Variants in MGMT observed in about 807,000 individuals in gnomAD.
MGMT encodes the protein O-6-methylguanine-DNA methyltransferase, also known as methylated-DNA--protein-cysteine methyltransferase.
A neutral mutation model predicts 15.9 loss-of-function variants in MGMT; 14 were observed. That is an observed-to-expected ratio of 0.88 (90% CI 0.58 to 1.37). The LOEUF is 1.37. Among genes scored for constraint, MGMT ranks in the 40% most tolerant of loss-of-function variants. The pLI, the probability that MGMT is intolerant of heterozygous loss-of-function variation, is 0.00. For synonymous variants in MGMT, 130 were observed against 118.2 expected (o/e 1.10, Z -0.65); for missense variants, 282 against 268.1 (o/e 1.05, Z -0.36).
chr10:129,633,169 T>C (rs974739389), intron 2 of MGMT, among the ~76,000 whole-genome samples: 7 of 152,180 alleles, frequency 4.6e-5, no homozygotes, highest in African/African-American at 1.4e-4. Flanking sequence ...ACTCCCACTT[T>C]GAAAAAGTAT....
At chr10:129,559,126 TG>T (rs1846248898) in intron 2 of MGMT, among the ~76,000 whole-genome samples, 1 of 152,208 alleles carries the variant, frequency 6.6e-6, no homozygotes, top group Non-Finnish European at 1.5e-5. Context: ...GGCATTATCT[TG>T]CTTGTTTACC....
chr10:129,735,368 C>G (rs1304562186), intron 3 of MGMT, among the ~76,000 whole-genome samples: 1 of 152,154 alleles, frequency 6.6e-6, no homozygotes, highest in Non-Finnish European at 1.5e-5. Flanking sequence ...GTAGTATTCT[C>G]TGATGGTAGT....
At chr10:129,617,162 C>A (rs1268793895) in intron 2 of MGMT, among the ~76,000 whole-genome samples, 1 of 152,116 alleles carries the variant, frequency 6.6e-6, no homozygotes, top group Non-Finnish European at 1.5e-5. Flanking sequence ...GTCTGCTGTT[C>A]CCTTCTTTGT....
intron 4 of MGMT, among the ~76,000 whole-genome samples, chr10:129,766,230 A>G (rs543403413): frequency 1.9e-4 from 29 of 152,328 alleles, no homozygotes; most frequent in African/African-American, 6.3e-4. Flanking sequence ...AAGCAGCCAC[A>G]GCCAGTATGG....
intron 2 of MGMT, among the ~76,000 whole-genome samples, chr10:129,612,704 C>G (rs775567642): frequency 6.6e-6 from 1 of 152,220 alleles, no homozygotes; most frequent in Non-Finnish European, 1.5e-5. Context: ...CGAGGCAGCA[C>G]TTAACCAGGG....
At chr10:129,577,396 T>A (rs1846497037) in intron 2 of MGMT, among the ~76,000 whole-genome samples, 1 of 152,174 alleles carries the variant, frequency 6.6e-6, no homozygotes, top group Admixed American at 6.5e-5. Context: ...TCTACAACTA[T>A]CTGATCATTG....
intron 2 of MGMT, among the ~76,000 whole-genome samples, chr10:129,562,779 A>G (rs1846295428): frequency 6.6e-6 from 1 of 152,204 alleles, no homozygotes; most frequent in Admixed American, 6.5e-5. Flanking sequence ...TCTTTGTAAA[A>G]GTGAAGTTAA....
intron 1 of MGMT, among the ~76,000 whole-genome samples, chr10:129,502,184 G>A (rs545974513): frequency 5.2e-4 from 79 of 152,294 alleles, no homozygotes; most frequent in South Asian, 2.1e-3. Flanking sequence ...AGTCCTGGCC[G>A]CAGTCCAGGC....
At chr10:129,722,899 G>A (rs1174705923) in intron 3 of MGMT, among the ~76,000 whole-genome samples, 6 of 150,978 alleles carry the variant, frequency 4.0e-5, no homozygotes, top group Non-Finnish European at 8.8e-5. Context: ...CCAGCTACTC[G>A]GGAGGCTAAG....
At chr10:129,538,047 G>A (rs928141466) in intron 2 of MGMT, among the ~76,000 whole-genome samples, 12 of 152,132 alleles carry the variant, frequency 7.9e-5, no homozygotes, top group African/African-American at 2.2e-4. Flanking sequence ...GCAGCCAGCA[G>A]TATTTGTGTG....
At chr10:129,671,731 A>G (rs1421452021) in intron 2 of MGMT, among the ~76,000 whole-genome samples, 2 of 152,258 alleles carry the variant, frequency 1.3e-5, no homozygotes, top group African/African-American at 4.8e-5. Context: ...GGTTAAAAGT[A>G]TCATCTCATT....
intron 1 of MGMT, among the ~76,000 whole-genome samples, chr10:129,504,604 C>T (rs1201153098): frequency 6.6e-6 from 1 of 152,190 alleles, no homozygotes; most frequent in African/African-American, 2.4e-5. Flanking sequence ...ATTGTGACAA[C>T]TAAAAAGTGC....
Position 129,759,055 on chromosome 10 carries a change from G to T in MGMT, c.275-147G>T, listed in dbSNP as rs938338857. On this transcript the variant is annotated intron_variant, in intron 3 of 4. Transcript: ENST00000651593. Reference sequence around the variant, plus strand: ...CGTCTCCTCGCCTGGTGACATGGTGGCAGCAGTGCATGGAGGCCGTGTTTT... The same window carrying T: ...CGTCTCCTCGCCTGGTGACATGGTGTCAGCAGTGCATGGAGGCCGTGTTTT... 32 of 993,652 alleles carry T rather than the reference G, an allele frequency of 3.2e-5. 1 individual carries two copies. Among genetic ancestry groups the T allele is most frequent in the South Asian group, 6.3e-5 (4 of 63,632 alleles). 61.6% of individuals were successfully genotyped at this position (993,652 alleles called of 1,614,324 possible).
At chr10:129,558,324 C>T (rs1296677360) in intron 2 of MGMT, among the ~76,000 whole-genome samples, 1 of 152,168 alleles carries the variant, frequency 6.6e-6, no homozygotes, top group African/African-American at 2.4e-5. Flanking sequence ...GTACGATGAA[C>T]CACACCCTTA....
Position 129,768,173 on chromosome 10 carries a change from G to T in MGMT, c.*1176G>T, listed in dbSNP as rs1407261961. Among the ~76,000 whole-genome samples, 1 of 152,200 alleles carries T rather than the reference G, an allele frequency of 6.6e-6. No individual in the cohort carries two copies. Among genetic ancestry groups the T allele is most frequent in the Non-Finnish European group, 1.5e-5 (1 of 68,038 alleles). ...GGCCTGGATGAAAATGTGGCCTCACGATGTGTATGGTTGGGACCCGCCTTC... is the reference window on the plus strand; with the variant it reads ...GGCCTGGATGAAAATGTGGCCTCACTATGTGTATGGTTGGGACCCGCCTTC... On this transcript the variant is annotated 3_prime_UTR_variant, in exon 5 of 5. Transcript: ENST00000651593.
chr10:129,474,597 C>T (rs1237347264), intron 1 of MGMT, among the ~76,000 whole-genome samples: 1 of 152,304 alleles, frequency 6.6e-6, no homozygotes, highest in East Asian at 1.9e-4. Context: ...ACTGCAGCCG[C>T]GTTCAGGCGA....
Position 129,636,274 on chromosome 10 carries a change from G to C in MGMT, c.126-71621G>C, listed in dbSNP as rs141665966. 2.0e-5 allele frequency among the ~76,000 whole-genome samples: 3 copies of C among 152,306 alleles called. No homozygotes were observed. In the East Asian group the frequency reaches 5.8e-4, roughly 29 times the overall value. On this transcript the variant is annotated intron_variant, in intron 2 of 4. Coordinates refer to ENST00000651593, the MANE Select transcript of MGMT (RefSeq NM_002412.5). ...TCGTCACCTCTGAACCATTCCTGAA[G>C]AAGTGGGTAGACACCCCCTCAGGAC...
chr10:129,467,436 C>T, intron 1 of MGMT, 140 bp downstream of exon 1: 1 of 1,370,106 alleles, frequency 7.3e-7, no homozygotes, highest in Non-Finnish European at 9.4e-7. Context: ...CCCGGGCGAG[C>T]TCCAGGTGCG....
intron 2 of MGMT, among the ~76,000 whole-genome samples, chr10:129,545,884 C>T (rs755408205): frequency 1.3e-5 from 2 of 152,206 alleles, no homozygotes; most frequent in Admixed American, 1.3e-4. Flanking sequence ...GTAATTAGAT[C>T]AGCTCCTTGA....
Sources: gnomAD v4.1 joint callset for allele counts (sites outside exome capture counted in the v4.1 genomes callset) on GRCh38, gnomAD v4.1.1 for gene constraint, MANE v1.5 for transcripts, NCBI Gene and HGNC (gene_info 2026-07-23, HGNC 2026-07-21) for gene names.